The following CSMD3 variants were observed in gnomAD, a reference collection of about 807,000 sequenced individuals.
The protein encoded by CSMD3 is CUB and Sushi multiple domains 3, also known as CUB and sushi domain-containing protein 3.
In CSMD3, 177 loss-of-function variants were observed where a neutral mutation model predicts 435.2. The observed-to-expected ratio is 0.41, with a 90% CI of 0.36 to 0.46. CSMD3 has a LOEUF of 0.46. Ranked by LOEUF, CSMD3 falls within the 20% of genes least tolerant of loss-of-function variation. The pLI, the probability that CSMD3 is intolerant of heterozygous loss-of-function variation, is 0.34. For synonymous variants in CSMD3, 1,656 were observed against 1,520.5 expected (o/e 1.09, Z -2.07); for missense variants, 4,265 against 4,504.6 (o/e 0.95, Z 1.52).
At chr8:112,593,067 G>A (rs1306272166) in intron 22 of CSMD3, among the ~76,000 whole-genome samples, 1 of 152,122 alleles carries the variant, frequency 6.6e-6, no homozygotes, top group Non-Finnish European at 1.5e-5. Flanking sequence ...GTACAAAGAA[G>A]GGATTCCAGG....
intron 10 of CSMD3, among the ~76,000 whole-genome samples, chr8:112,914,724 T>C (rs2082525413): frequency 6.6e-6 from 1 of 151,750 alleles, no homozygotes; most frequent in South Asian, 2.1e-4. Context: ...TCATCATTTT[T>C]CCCTTTCCTA....
chr8:112,684,081 C>G (rs1225613246), intron 15 of CSMD3, among the ~76,000 whole-genome samples: 2 of 151,518 alleles, frequency 1.3e-5, no homozygotes, highest in Non-Finnish European at 3.0e-5. Context: ...AGAACAGAAC[C>G]AGGAAAAGGG....
chr8:113,019,211 T>C, intron 5 of CSMD3, 32 bp from the exon 6 acceptor site: 1 of 1,444,208 alleles, frequency 6.9e-7, no homozygotes, highest in Non-Finnish European at 9.7e-7. Context: ...CAAAAAAATT[T>C]AAAAAGCTTT....
chr8:112,956,160 C>T (rs1415092239), intron 7 of CSMD3, among the ~76,000 whole-genome samples: 1 of 151,892 alleles, frequency 6.6e-6, no homozygotes, highest in Non-Finnish European at 1.5e-5. Context: ...TGCCTTTTTA[C>T]CTGCTTTTTT....
In CSMD3 at chr8:112,319,076, G is replaced by C. The variant is rs1475298360; in HGVS notation, c.7247-126C>G. On this transcript the variant is annotated intron_variant, in intron 46 of 70. Transcript: ENST00000297405. ...TTCAATCAGTATAAAAATGTTATTA[G>C]GTATAAGTAGGAGTTATATTCAAAA... 9 of 692,530 alleles carry C rather than the reference G, an allele frequency of 1.3e-5. No homozygotes were observed. The Admixed American group carries it at 1.9e-4, about 15-fold the overall frequency. The allele number at this position is 692,530 out of a possible 1,614,324, so 42.9% of individuals were successfully genotyped here.
At chr8:112,610,038 C>T (rs1045201018) in intron 22 of CSMD3, among the ~76,000 whole-genome samples, 7 of 151,928 alleles carry the variant, frequency 4.6e-5, no homozygotes, top group Non-Finnish European at 1.0e-4. Flanking sequence ...GGTGAGATGT[C>T]GGCCAAAGGG....
intron 3 of CSMD3, among the ~76,000 whole-genome samples, chr8:113,204,786 G>C (rs1441885530): frequency 1.3e-5 from 2 of 152,110 alleles, no homozygotes; most frequent in Non-Finnish European, 2.9e-5. Flanking sequence ...ATGGTAACAT[G>C]CTGTATTAGT....
At chr8:112,699,641 A>G (rs896535006) in intron 13 of CSMD3, among the ~76,000 whole-genome samples, 1 of 152,198 alleles carries the variant, frequency 6.6e-6, no homozygotes, top group African/African-American at 2.4e-5. Flanking sequence ...CTAGGTGACT[A>G]ATGATCGCAT....
chr8:112,552,523 T>C (rs1180508656), intron 26 of CSMD3, 71 bp downstream of exon 26: 1 of 1,426,942 alleles, frequency 7.0e-7, no homozygotes. Context: ...TAAATGGATA[T>C]TAATTTTATA....
intron 21 of CSMD3, among the ~76,000 whole-genome samples, 165 bp from the exon 22 acceptor site, chr8:112,637,170 C>A (rs1422999649): frequency 1.3e-5 from 2 of 152,050 alleles, no homozygotes; most frequent in South Asian, 2.1e-4. Context: ...ACATACGTTT[C>A]TTTTTCTGTG....
At chr8:113,159,816 T>A (rs1035102988) in intron 4 of CSMD3, among the ~76,000 whole-genome samples, 12 of 151,934 alleles carry the variant, frequency 7.9e-5, no homozygotes, top group African/African-American at 2.9e-4. Flanking sequence ...CAATAATAAT[T>A]TGTCCTAATA....
chr8:113,410,123 T>G (rs1563794467), intron 1 of CSMD3, among the ~76,000 whole-genome samples: 1 of 152,208 alleles, frequency 6.6e-6, no homozygotes, highest in African/African-American at 2.4e-5. Flanking sequence ...CAAACAGATA[T>G]AAACACTCAT....
chr8:112,519,758 A>G (rs575320558), intron 27 of CSMD3, among the ~76,000 whole-genome samples: 3 of 152,268 alleles, frequency 2.0e-5, no homozygotes, highest in African/African-American at 7.2e-5. Context: ...AGGCTTAAAA[A>G]GGCTAAGGTG....
intron 40 of CSMD3, among the ~76,000 whole-genome samples, chr8:112,348,392 A>G (rs547308915): frequency 6.5e-4 from 99 of 152,302 alleles, no homozygotes; most frequent in Non-Finnish European, 1.1e-3. Flanking sequence ...CCATCAAAAT[A>G]TCTGGCAGAT....
rs1268368606 is a variant in CSMD3 at position 112,231,528 on chromosome 8, C to G, written c.10828+17G>C. ...GATAATAACAGAAGTTCGTGAAAAT[C>G]AAAATGAATACATTACCCAGTCTTT... On this transcript the variant is annotated intron_variant, in intron 69 of 70. Transcript: ENST00000297405. The G allele has an allele frequency of 4.7e-6, 7 of 1,485,302 alleles. No homozygotes were observed. Among genetic ancestry groups the G allele is most frequent in the Non-Finnish European group, 6.6e-6 (7 of 1,062,854 alleles). 92.0% of individuals were successfully genotyped at this position (1,485,302 alleles called of 1,614,324 possible).
intron 12 of CSMD3, among the ~76,000 whole-genome samples, chr8:112,826,026 C>T (rs930116723): frequency 1.3e-5 from 2 of 152,160 alleles, no homozygotes; most frequent in African/African-American, 4.8e-5. Flanking sequence ...GTCCCTGAGC[C>T]CCTGGCTGGA....
intron 7 of CSMD3, among the ~76,000 whole-genome samples, chr8:112,969,322 C>T (rs924231553): frequency 5.3e-5 from 8 of 151,882 alleles, no homozygotes; most frequent in African/African-American, 1.2e-4. Flanking sequence ...CTAAAATAAA[C>T]GTTTTATGCT....
At chr8:112,732,370 A>G (rs937834409) in intron 13 of CSMD3, among the ~76,000 whole-genome samples, 1 of 152,090 alleles carries the variant, frequency 6.6e-6, no homozygotes, top group Non-Finnish European at 1.5e-5. Context: ...ACTAACTGAT[A>G]GTGGTTTTGT....
At chr8:112,280,777 A>G (rs1273670348) in intron 59 of CSMD3, among the ~76,000 whole-genome samples, 1 of 152,172 alleles carries the variant, frequency 6.6e-6, no homozygotes, top group Non-Finnish European at 1.5e-5. Flanking sequence ...CAGTGCAAGA[A>G]CCCATAAAGA....
Sources: gnomAD v4.1 joint callset for allele counts (sites outside exome capture counted in the v4.1 genomes callset) on GRCh38, gnomAD v4.1.1 for gene constraint, MANE v1.5 for transcripts, NCBI Gene and HGNC (gene_info 2026-07-23, HGNC 2026-07-21) for gene names.